The following ALPL variants were observed in gnomAD, a reference collection of about 807,000 sequenced individuals.
ALPL encodes alkaline phosphatase, biomineralization associated.
ALPL carries 42 observed loss-of-function variants against 51.3 expected under a neutral mutation model. The ratio of observed to expected loss-of-function variants is 0.82; its 90% CI spans 0.64 to 1.06. The LOEUF is 1.06. Among genes scored for constraint, ALPL ranks in the 50% least tolerant of loss-of-function variants. ALPL has a pLI of 0.00. For synonymous variants in ALPL, 279 were observed against 296.4 expected (o/e 0.94, Z 0.60); for missense variants, 589 against 709.4 (o/e 0.83, Z 1.93).
At chr1:21,524,819 TTATC>T (rs1040467682) in intron 1 of ALPL, among the ~76,000 whole-genome samples, 30 of 152,002 alleles carry the variant, frequency 2.0e-4, no homozygotes, top group Admixed American at 3.9e-4. Context: ...AGTGCGGAGT[TTATC>T]TATCCCCTGC....
chr1:21,539,729 A>G (rs932966617), intron 1 of ALPL, among the ~76,000 whole-genome samples: 5 of 147,904 alleles, frequency 3.4e-5, no homozygotes, highest in Admixed American at 2.1e-4. Context: ...ATCACAGCTC[A>G]TTGCAAGCTC....
chr1:21,524,502 T>TA (rs1558528886), intron 1 of ALPL, among the ~76,000 whole-genome samples: 1 of 150,268 alleles, frequency 6.7e-6, no homozygotes, highest in Non-Finnish European at 1.5e-5. Context: ...TCTCTAAAAA[T>TA]AAAAAATATA....
At chr1:21,518,840 A>T (rs1395841069) in intron 1 of ALPL, among the ~76,000 whole-genome samples, 3 of 152,012 alleles carry the variant, frequency 2.0e-5, no homozygotes, top group Non-Finnish European at 4.4e-5. Context: ...ACTTGGCTTC[A>T]CTGTGACAGT....
intron 1 of ALPL, among the ~76,000 whole-genome samples, chr1:21,524,686 C>T (rs1012716830): frequency 1.3e-5 from 2 of 152,108 alleles, no homozygotes; most frequent in Non-Finnish European, 2.9e-5. Flanking sequence ...TCTTCTTGAA[C>T]CTGCTAGTTC....
chr1:21,524,135 C>A (rs1443005872), intron 1 of ALPL, among the ~76,000 whole-genome samples: 7 of 151,714 alleles, frequency 4.6e-5, no homozygotes, highest in Non-Finnish European at 1.0e-4. Flanking sequence ...TACTGAGTAG[C>A]TGGGATTACA....
At position 21,578,305 on chromosome 1, in the gene ALPL, A is replaced by G. The variant is rs1644770060; in HGVS notation, c.*657A>G. ...CACACGCCAGCTCCTCTCTGAAGCG[A>G]CTCTCCTGTTTGGAACGGCAAAAAA... On this transcript the variant is annotated 3_prime_UTR_variant, in exon 12 of 12. Transcript: ENST00000374840. This position sits in a 1 kb window ranked among gnomAD's most constrained non-coding sequence, Gnocchi z 4.2. 1 of 150,388 alleles carries G rather than the reference A, an allele frequency of 6.6e-6. No homozygotes were observed. The highest frequency in any genetic ancestry group is 2.1e-4 in the South Asian group (1 of 4,680). 9.3% of individuals were successfully genotyped at this position (150,388 alleles called of 1,614,324 possible). A position where few individuals can be genotyped will look rare whatever the true frequency, so the allele number is the denominator to read the frequency against.
At chr1:21,562,498 G>A (rs1644497843) in intron 4 of ALPL, among the ~76,000 whole-genome samples, 2 of 152,242 alleles carry the variant, frequency 1.3e-5, no homozygotes, top group Middle Eastern at 3.4e-3. Flanking sequence ...ACTTCTGGGG[G>A]AGTAGTGGGG....
chr1:21,525,943 G>T (rs778791992), intron 1 of ALPL, among the ~76,000 whole-genome samples: 2 of 152,028 alleles, frequency 1.3e-5, no homozygotes, highest in Non-Finnish European at 2.9e-5. Flanking sequence ...AGCCAAGATG[G>T]CACCATTGCA....
At chr1:21,576,780 C>T in intron 11 of ALPL, 139 bp downstream of exon 11, 1 of 1,206,696 alleles carries the variant, frequency 8.3e-7, no homozygotes, top group East Asian at 2.5e-5. Flanking sequence ...TTGTTGAGTC[C>T]CAGGTTGTTT....
At chr1:21,557,736 T>C (rs976485871) in intron 2 of ALPL, among the ~76,000 whole-genome samples, 1 of 152,088 alleles carries the variant, frequency 6.6e-6, no homozygotes, top group Non-Finnish European at 1.5e-5. Flanking sequence ...TTCAGCCTTC[T>C]TTTTTTTCTT....
At chr1:21,552,404 G>C (rs891913997) in intron 1 of ALPL, among the ~76,000 whole-genome samples, 1 of 150,324 alleles carries the variant, frequency 6.7e-6, no homozygotes. Context: ...GCTTGAACCC[G>C]GGGGGCGGAG....
intron 1 of ALPL, among the ~76,000 whole-genome samples, chr1:21,524,510 A>G (rs1387665831): frequency 1.3e-5 from 2 of 152,254 alleles, no homozygotes; most frequent in East Asian, 3.9e-4. Flanking sequence ...AATAAAAAAT[A>G]TAAGAAAAAA....
At chr1:21,519,057 C>T (rs10917003) in intron 1 of ALPL, among the ~76,000 whole-genome samples, 40,821 of 152,138 alleles carry the variant, frequency 0.27, 6,068 homozygotes, top group East Asian at 0.46. Flanking sequence ...CAGCTCAGAT[C>T]CAGTGGGACA....
chr1:21,565,319 T>G (rs545971766), intron 6 of ALPL, among the ~76,000 whole-genome samples: 1 of 152,172 alleles, frequency 6.6e-6, no homozygotes, highest in Non-Finnish European at 1.5e-5. Context: ...GCCAAGCCAC[T>G]CATCCTGGCT....
intron 1 of ALPL, among the ~76,000 whole-genome samples, chr1:21,539,742 C>A (rs1644157065): frequency 6.6e-6 from 1 of 151,748 alleles, no homozygotes; most frequent in South Asian, 2.1e-4. Context: ...GCAAGCTCCA[C>A]CTCCCGAGTT....
At chr1:21,554,280 A>G in intron 2 of ALPL, 138 bp downstream of exon 2, 1 of 819,772 alleles carries the variant, frequency 1.2e-6, no homozygotes, top group Non-Finnish European at 2.1e-6. Context: ...AGGAAACCTC[A>G]GCCCTGCTAC....
chr1:21,564,364 G>C lies in ALPL; in HGVS notation c.648+148G>C, dbSNP rs956691878. ...GCTCCCAGCCCATTAGGGGATTTGC[G>C]GTTGGGCAGGCAGGCACTGTGGGAT... is the stretch of plus-strand genomic sequence containing the variant. On this transcript the variant is annotated intron_variant, in intron 6 of 11. Coordinates refer to ENST00000374840, the MANE Select transcript of ALPL (RefSeq NM_000478.6). The surrounding 1 kb of genome is among the most constrained non-coding windows in gnomAD (Gnocchi z 5.8). 1.9e-6 allele frequency: 2 copies of C among 1,060,444 alleles called. No homozygotes were observed. Among genetic ancestry groups the C allele is most frequent in the East Asian group, 5.1e-5 (2 of 39,178 alleles). The allele number at this position is 1,060,444 out of a possible 1,614,324, so 65.7% of individuals were successfully genotyped here.
chr1:21,554,795 G>T lies in ALPL; in HGVS notation c.61+653G>T, dbSNP rs55687550. Among the ~76,000 whole-genome samples the T allele has an allele frequency of 8.3e-3, 321 of 38,758 alleles. 22 individuals are homozygous for T. The highest frequency in any genetic ancestry group is 0.04 in the African/African-American group (273 of 6,804). The allele number at this position is 38,758 out of a possible 152,430, so 25.4% of individuals were successfully genotyped here. A position where few individuals can be genotyped will look rare whatever the true frequency, so the allele number is the denominator to read the frequency against. ...GTGAGCCACCGCGCCTGGCCTGTCT[G>T]TCTGTCTGTCTGTCTGTCTGTCTTT... On this transcript the variant is annotated intron_variant, in intron 2 of 11. Coordinates refer to ENST00000374840, the MANE Select transcript of ALPL (RefSeq NM_000478.6).
chr1:21,559,266 C>T (rs1301663886), intron 2 of ALPL, among the ~76,000 whole-genome samples: 1 of 152,178 alleles, frequency 6.6e-6, no homozygotes. Flanking sequence ...GGCCCTGGGA[C>T]AGAGGGGAGC....
Sources: allele counts gnomAD v4.1 joint callset (sites outside exome capture counted in the v4.1 genomes callset), GRCh38; gene constraint gnomAD v4.1.1; non-coding constraint Gnocchi (gnomAD v3.1); transcripts MANE v1.5; gene names NCBI Gene and HGNC (gene_info 2026-07-23, HGNC 2026-07-21).